The following UBE4A variants were observed in gnomAD, a reference collection of about 807,000 sequenced individuals.
UBE4A encodes ubiquitin conjugation factor E4 A.
In UBE4A, 48 loss-of-function variants were observed where a neutral mutation model predicts 117.9. The observed-to-expected ratio is 0.41, with a 90% CI of 0.32 to 0.52. The LOEUF (loss-of-function observed/expected upper bound fraction) is 0.52. Among genes scored for constraint, UBE4A ranks in the 20% least tolerant of loss-of-function variants. UBE4A has a pLI of 0.33. For synonymous variants in UBE4A, 407 were observed against 450.0 expected, an observed-to-expected ratio of 0.90 and a Z score of 1.21; for missense variants, 1,067 against 1,296.3, an observed-to-expected ratio of 0.82 and a Z score of 2.72.
intron 12 of UBE4A, among the ~76,000 whole-genome samples, 198 bp downstream of exon 12, chr11:118,381,721 C>G (rs1948707133): frequency 6.6e-6 from 1 of 152,190 alleles, no homozygotes; most frequent in African/African-American, 2.4e-5. Flanking sequence ...AGGACTTTGT[C>G]CACAGAGAAT....
rs1419462600 is a variant in UBE4A at position 118,376,819 on chromosome 11, G to GCTCC, written c.1571+126_1571+127insTCCC. The GCTCC allele has an allele frequency of 1.1e-5, 13 of 1,179,234 alleles. No individual in the cohort carries two copies. The African/African-American group carries it at 2.0e-4, about 18-fold the overall frequency. 73.0% of individuals were successfully genotyped at this position (1,179,234 alleles called of 1,614,324 possible). A position where few individuals can be genotyped will look rare whatever the true frequency, so the allele number is the denominator to read the frequency against. On this transcript the variant is annotated intron_variant, in intron 10 of 19. Transcript: ENST00000252108. ...AATCTCAGGATTTTGGGAGGCCAAG[G>GCTCC]CAGAAGGATTGCTTGAGGCCAGAAG...
At position 118,374,926 on chromosome 11, in the gene UBE4A, C is replaced by G; in HGVS notation, c.1147C>G (p.Gln383Glu). The G allele has an allele frequency of 6.5e-7, 1 of 1,549,218 alleles. No individual in the cohort carries two copies. The highest frequency in any genetic ancestry group is 8.7e-7 in the Non-Finnish European group (1 of 1,145,492). ...GGCTCAGTTCCACGAAAAGATCTAC[C>G]AGATGCTGAAGAACTTACTCCAGCT... ...FMAQFHEKIY[Q>E]MLKNLLQLSP... Residue 383 changes from glutamine to glutamate, a missense_variant, in exon 9 of 20, where the codon CAG becomes GAG. Coordinates refer to ENST00000252108, the MANE Select transcript of UBE4A (RefSeq NM_001204077.2).
At chr11:118,390,537 A>G in intron 17 of UBE4A, 120 bp from the exon 18 acceptor site, 2 of 451,190 alleles carry the variant, frequency 4.4e-6, no homozygotes, top group Non-Finnish European at 7.1e-6. Flanking sequence ...AAGTCTTTCT[A>G]TATCAAAAGA....
At chr11:118,373,794 A>G in intron 8 of UBE4A, 109 bp downstream of exon 8, 3 of 1,330,980 alleles carry the variant, frequency 2.3e-6, no homozygotes, top group South Asian at 1.6e-5. Context: ...AAATTGATCT[A>G]GTTGGCTTTT....
intron 3 of UBE4A, 56 bp from the exon 4 acceptor site, chr11:118,369,367 G>T: frequency 1.6e-6 from 2 of 1,283,614 alleles, no homozygotes; most frequent in Non-Finnish European, 2.3e-6. Flanking sequence ...AAGATCAGTT[G>T]TCTGTATAAA....
At chr11:118,367,537 T>G (rs1256329065) in intron 2 of UBE4A, among the ~76,000 whole-genome samples, 1 of 150,982 alleles carries the variant, frequency 6.6e-6, no homozygotes, top group Admixed American at 6.6e-5. Context: ...TTTTTTTTTT[T>G]TGAGACGAAG....
chr11:118,375,076 G>C lies in UBE4A; in HGVS notation c.1297G>C (p.Ala433Pro). 1 of 1,614,182 alleles carries C rather than the reference G, an allele frequency of 6.2e-7. No homozygotes were observed. Among genetic ancestry groups the C allele is most frequent in the Non-Finnish European group, 8.5e-7 (1 of 1,180,036 alleles). The change falls in exon 9 of 20, where the codon GCT (alanine) becomes CCT (proline). Residue 433 changes from alanine (A) to proline (P), a missense_variant. Transcript: ENST00000252108. Reference protein sequence around the residue: ...EIFFQMYASDAFFLNLGAALL... With the variant: ...EIFFQMYASDPFFLNLGAALL... ...CTTTTTCCAAATGTATGCCTCAGAT[G>C]CTTTCTTTCTGAATCTGGGTGCTGC...
intron 9 of UBE4A, among the ~76,000 whole-genome samples, chr11:118,375,699 C>T (rs1306822221): frequency 7.9e-5 from 12 of 151,586 alleles, no homozygotes; most frequent in Admixed American, 4.6e-4. Context: ...AAAAAAAAAA[C>T]ACCTGGTAGC....
rs1555126555 is a variant in UBE4A, at chr11:118,382,735, C to G, written c.2156C>G (p.Ala719Gly). The G allele has an allele frequency of 1.2e-6, 2 of 1,601,574 alleles. No homozygotes were observed. Among genetic ancestry groups the G allele is most frequent in the African/African-American group, 1.3e-5 (1 of 74,730 alleles). ...AACTTTCAGTATGCACCCCAACTTG[C>G]AGAGGCTCTAATCAAGGTTTTTGTG... is the stretch of plus-strand genomic sequence containing the variant. ...FCNFQYAPQL[A>G]EALIKVFVDI... The change falls in exon 13 of 20, where the codon GCA becomes GGA. Residue 719 changes from alanine to glycine, a missense_variant. By Grantham distance (60) the Ala-to-Gly change is moderately conservative (BLOSUM62 0). Transcript: ENST00000252108.
chr11:118,365,004 C>A, intron 1 of UBE4A, 36 bp from the exon 2 acceptor site: 1 of 1,482,638 alleles, frequency 6.7e-7, no homozygotes, highest in Non-Finnish European at 9.0e-7. Context: ...ATTGTGTCAT[C>A]TGCCCTCTTG....
Position 118,396,200 on chromosome 11 carries a change from T to C in UBE4A, c.3075-114T>C, listed in dbSNP as rs974740574. On this transcript the variant is annotated intron_variant, in intron 19 of 19. Coordinates refer to ENST00000252108, the MANE Select transcript of UBE4A (RefSeq NM_001204077.2). The stretch of plus-strand genomic sequence containing the variant: ...CCCCAACTCGGCATTTGACTCAAAG[T>C]TATAATGCACTCTGGCTTCATTCTT... 4.7e-5 allele frequency: 64 copies of C among 1,358,310 alleles called. No individual in the cohort carries two copies. In the Middle Eastern group the frequency reaches 2.4e-3, roughly 52 times the overall value. 84.1% of individuals were successfully genotyped at this position (1,358,310 alleles called of 1,614,324 possible).
intron 18 of UBE4A, 84 bp downstream of exon 18, chr11:118,390,888 G>C: frequency 1.3e-6 from 2 of 1,541,448 alleles, no homozygotes; most frequent in Non-Finnish European, 1.8e-6. Flanking sequence ...TGTAGTCCCA[G>C]CTACTTAAGA....
intron 13 of UBE4A, among the ~76,000 whole-genome samples, chr11:118,383,308 A>G (rs1261595245): frequency 1.3e-5 from 2 of 152,130 alleles, no homozygotes. Flanking sequence ...AAATACCAGC[A>G]GGCGGACAGG....
intron 16 of UBE4A, among the ~76,000 whole-genome samples, chr11:118,388,997 TGA>T (rs1313929829): frequency 6.6e-6 from 1 of 151,822 alleles, no homozygotes; most frequent in Non-Finnish European, 1.5e-5. Context: ...TTTTAAAAAA[TGA>T]TGTAAAACAG....
chr11:118,373,675 A>G lies in UBE4A; in HGVS notation c.1106A>G (p.Asn369Ser), dbSNP rs986144860. 8.7e-6 allele frequency: 14 copies of G among 1,613,660 alleles called. No homozygotes were observed. The highest frequency in any genetic ancestry group is 8.0e-5 in the African/African-American group (6 of 74,938). ...CAGGAGATCAAAGTACAGGAGGCCA[A>G]CATCCATCAGGTGGAACTGTTTACC... ...SPQEIKVQEANIHQFMAQFHE... is the reference protein window; with the variant it reads ...SPQEIKVQEASIHQFMAQFHE... The change falls in exon 8 of 20, where the codon AAC becomes AGC. Residue 369 changes from asparagine (N) to serine (S), a missense_variant. Asn to Ser is a conservative substitution (Grantham distance 46). This residue lies in a region of UBE4A where 1,001 missense variants were observed against 1,184.0 expected (regional missense o/e 0.85). Coordinates refer to ENST00000252108, the MANE Select transcript of UBE4A (RefSeq NM_001204077.2).
chr11:118,393,187 C>A (rs1392193513), intron 19 of UBE4A, among the ~76,000 whole-genome samples: 26 of 152,050 alleles, frequency 1.7e-4, no homozygotes, highest in Non-Finnish European at 1.0e-4. Flanking sequence ...GAGGCCGAGG[C>A]AGGTGGATCA....
chr11:118,382,919 CTTTT>C (rs5795124), intron 13 of UBE4A, 143 bp downstream of exon 13: 37 of 485,944 alleles, frequency 7.6e-5, no homozygotes, highest in South Asian at 2.1e-4. Context: ...ATGATAAGTG[CTTTT>C]TTTTTTTTTT....
intron 11 of UBE4A, 93 bp from the exon 12 acceptor site, chr11:118,381,294 TAACC>T: frequency 2.8e-6 from 4 of 1,453,022 alleles, no homozygotes; most frequent in Admixed American, 4.2e-5. Context: ...GGGTTTTTTT[TAACC>T]TTCATTAAGT....
At chr11:118,362,500 G>GC (rs1247271399) in intron 1 of UBE4A, among the ~76,000 whole-genome samples, 2 of 152,132 alleles carry the variant, frequency 1.3e-5, no homozygotes, top group African/African-American at 4.8e-5. Flanking sequence ...CTTACGTGTT[G>GC]CAGGTGATGC....
Sources: gnomAD v4.1 joint callset for allele counts (sites outside exome capture counted in the v4.1 genomes callset) on GRCh38, gnomAD v4.1.1 for gene constraint, gnomAD v4.1.1 regional missense constraint, MANE v1.5 for transcripts, NCBI Gene and HGNC (gene_info 2026-07-23, HGNC 2026-07-21) for gene names.